LDB2: variants seen among roughly 807,000 people sequenced by gnomAD.
LDB2 encodes the protein LIM domain-binding protein 2.
Under a neutral mutation model 44.3 loss-of-function variants are expected in LDB2, and 12 were observed. The ratio of observed to expected loss-of-function variants is 0.27; its 90% CI spans 0.17 to 0.44. LDB2 has a LOEUF of 0.44. Among genes scored for constraint, LDB2 ranks in the 20% least tolerant of loss-of-function variants. The probability of loss-of-function intolerance (pLI) is 1.00; values close to 1 mark genes in which losing one functional copy is unlikely to be tolerated. For synonymous variants in LDB2, 164 were observed against 174.8 expected, an observed-to-expected ratio of 0.94 and a Z score of 0.49; for missense variants, 344 against 473.5, an observed-to-expected ratio of 0.73 and a Z score of 2.54.
intron 1 of LDB2, among the ~76,000 whole-genome samples, chr4:16,827,234 A>C (rs1783219584): frequency 6.6e-6 from 1 of 152,144 alleles, no homozygotes; most frequent in South Asian, 2.1e-4. Context: ...AGGCAGCTCC[A>C]CTCGGGGCAG....
chr4:16,659,671 G>GTGTATA (rs1315288524), intron 2 of LDB2, among the ~76,000 whole-genome samples: 1 of 133,522 alleles, frequency 7.5e-6, no homozygotes, highest in Non-Finnish European at 1.6e-5. Flanking sequence ...ATCTATGTGT[G>GTGTATA]TATATATATA....
Position 16,821,746 on chromosome 4 carries a change from C to CAAAAAAAAAAAAAAAAAAAAAAA in LDB2, c.133-62509_133-62487dup, listed in dbSNP as rs562184189. On this transcript the variant is annotated intron_variant, in intron 1 of 7. Transcript: ENST00000304523. ...AATGGAAACCATTCCAACATTAAAG[C>CAAAAAAAAAAAAAAAAAAAAAAA]AAAAAAAAAAAAAAAAAAAAAAAAT... Among the ~76,000 whole-genome samples, 70 of 61,732 alleles carry CAAAAAAAAAAAAAAAAAAAAAAA rather than the reference C, an allele frequency of 1.1e-3. 6 individuals carry two copies. The highest frequency in any genetic ancestry group is 1.4e-3 in the Non-Finnish European group (49 of 34,978). 40.5% of individuals were successfully genotyped at this position (61,732 alleles called of 152,430 possible). A position where few individuals can be genotyped will look rare whatever the true frequency, so the allele number is the denominator to read the frequency against.
intron 1 of LDB2, among the ~76,000 whole-genome samples, chr4:16,797,205 A>G (rs928207914): frequency 1.3e-5 from 2 of 152,212 alleles, no homozygotes; most frequent in African/African-American, 4.8e-5. Context: ...AGGGCTTTTC[A>G]TCTCACACAT....
At chr4:16,704,716 A>G (rs1277131357) in intron 2 of LDB2, among the ~76,000 whole-genome samples, 1 of 152,246 alleles carries the variant, frequency 6.6e-6, no homozygotes, top group Admixed American at 6.5e-5. Context: ...TTATTAATAG[A>G]CAATGATGCA....
At chr4:16,524,718 G>A (rs577810483) in intron 5 of LDB2, among the ~76,000 whole-genome samples, 5 of 152,280 alleles carry the variant, frequency 3.3e-5, no homozygotes, top group South Asian at 2.1e-4. Context: ...TGTGTCAAAC[G>A]CAATATTGCT....
rs112388838 is a variant in LDB2 at position 16,537,869 on chromosome 4, G to T, written c.616-25765C>A. Reference sequence around the variant, plus strand: ...CGCTTAGATGCCTAAGGTATCTAAGGTATAGGTATAAGACAGGGCACTGGC... The same window carrying T: ...CGCTTAGATGCCTAAGGTATCTAAGTTATAGGTATAAGACAGGGCACTGGC... On this transcript the variant is annotated intron_variant, in intron 5 of 7. Coordinates refer to ENST00000304523, the MANE Select transcript of LDB2 (RefSeq NM_001290.5). 4.1e-3 allele frequency among the ~76,000 whole-genome samples: 622 copies of T among 152,314 alleles called. 3 individuals are homozygous for T. Among genetic ancestry groups the T allele is most frequent in the Non-Finnish European group, 7.2e-3 (489 of 68,014 alleles).
intron 2 of LDB2, among the ~76,000 whole-genome samples, chr4:16,656,055 A>T (rs551543985): frequency 1.1e-3 from 161 of 151,460 alleles, no homozygotes; most frequent in African/African-American, 3.8e-3. Context: ...GCCTGCCACC[A>T]CGCCCGGCTA....
intron 1 of LDB2, among the ~76,000 whole-genome samples, chr4:16,874,094 A>G (rs930125440): frequency 6.6e-6 from 1 of 152,148 alleles, no homozygotes; most frequent in Non-Finnish European, 1.5e-5. Flanking sequence ...ACTGTTACGA[A>G]CAATGATAGC....
chr4:16,746,088 C>A (rs996991936), intron 2 of LDB2, among the ~76,000 whole-genome samples: 5 of 152,144 alleles, frequency 3.3e-5, no homozygotes, highest in Non-Finnish European at 5.9e-5. Flanking sequence ...TACTACTCAG[C>A]AAATATTGAC....
intron 1 of LDB2, among the ~76,000 whole-genome samples, chr4:16,813,336 TA>T (rs1780264346): frequency 6.6e-6 from 1 of 152,154 alleles, no homozygotes; most frequent in Non-Finnish European, 1.5e-5. Context: ...TAACTAACAA[TA>T]GGGTTTTTGT....
intron 1 of LDB2, among the ~76,000 whole-genome samples, chr4:16,804,201 T>A (rs1778363402): frequency 6.6e-6 from 1 of 152,192 alleles, no homozygotes; most frequent in Non-Finnish European, 1.5e-5. Context: ...CACTGCAACC[T>A]CAAACTCATG....
At chr4:16,816,407 C>CTTTTTTTTTTTTTTTTTTTT (rs1171864969) in intron 1 of LDB2, among the ~76,000 whole-genome samples, 3 of 121,018 alleles carry the variant, frequency 2.5e-5, no homozygotes, top group Non-Finnish European at 1.7e-5. Flanking sequence ...CTTTTTCTTT[C>CTTTTTTTTTTTTTTTTTTTT]TTTTTTTTTT....
chr4:16,582,601 C>G lies in LDB2; in HGVS notation c.615+3321G>C, dbSNP rs912484593. 1.3e-5 allele frequency among the ~76,000 whole-genome samples: 2 copies of G among 152,182 alleles called. No individual in the cohort carries two copies. The highest frequency in any genetic ancestry group is 2.9e-5 in the Non-Finnish European group (2 of 68,038). On this transcript the variant is annotated intron_variant, in intron 5 of 7. Transcript: ENST00000304523. The surrounding 1 kb of genome is among the most constrained non-coding windows in gnomAD (Gnocchi z 4.8). ...GACATGCTTCGTGAAACCCACCACC[C>G]GGTATCGGAATACCCAACAGCAACA...
intron 1 of LDB2, among the ~76,000 whole-genome samples, chr4:16,850,731 A>C (rs1408396885): frequency 1.3e-5 from 2 of 152,180 alleles, no homozygotes; most frequent in Admixed American, 1.3e-4. Flanking sequence ...GATTGGGTAG[A>C]AAGTGGATGG....
chr4:16,655,711 A>G (rs898014065), intron 2 of LDB2, among the ~76,000 whole-genome samples: 1 of 152,126 alleles, frequency 6.6e-6, no homozygotes, highest in African/African-American at 2.4e-5. Flanking sequence ...CCTCGATGCC[A>G]CAAAGTGGAC....
At position 16,502,398 on chromosome 4, in the gene LDB2, CA is replaced by C. The variant is rs1488184049; in HGVS notation, c.*244del. 1 of 491,388 alleles carries C rather than the reference CA, an allele frequency of 2.0e-6. No homozygotes were observed. Among genetic ancestry groups the C allele is most frequent in the East Asian group, 3.3e-5 (1 of 30,310 alleles). 30.4% of individuals were successfully genotyped at this position (491,388 alleles called of 1,614,324 possible). On this transcript the variant is annotated 3_prime_UTR_variant, in exon 8 of 8. Coordinates refer to ENST00000304523, the MANE Select transcript of LDB2 (RefSeq NM_001290.5). ...CTAGAGTTTTCTCTCATTTTAATTA[CA>C]ATCAGTGCCAGTATCTGTATTACCT...
At position 16,898,527 on chromosome 4, in the gene LDB2, A is replaced by G; in HGVS notation, c.-42T>C. On this transcript the variant is annotated 5_prime_UTR_variant, in exon 1 of 8. Transcript: ENST00000304523. Reference sequence around the variant, plus strand: ...AAATCAAGCTAAACAGAGTATCAGTAACGTCCATGCAGAGCACATGGGCTG... The same window carrying G: ...AAATCAAGCTAAACAGAGTATCAGTGACGTCCATGCAGAGCACATGGGCTG... 1 of 1,609,212 alleles carries G rather than the reference A, an allele frequency of 6.2e-7. No individual in the cohort carries two copies.
chr4:16,762,733 AT>A (rs1368798060), intron 1 of LDB2, among the ~76,000 whole-genome samples: 1 of 152,102 alleles, frequency 6.6e-6, no homozygotes, highest in African/African-American at 2.4e-5. Flanking sequence ...ATCATCCTCT[AT>A]TTTCTGATAA....
chr4:16,644,714 G>A (rs1306984442), intron 2 of LDB2, among the ~76,000 whole-genome samples: 1 of 152,184 alleles, frequency 6.6e-6, no homozygotes. Flanking sequence ...ATAGGCATGA[G>A]TCACTGCACT....
Sources: gnomAD v4.1 joint callset for allele counts (sites outside exome capture counted in the v4.1 genomes callset) on GRCh38, gnomAD v4.1.1 for gene constraint, Gnocchi (gnomAD v3.1) non-coding constraint, MANE v1.5 for transcripts, NCBI Gene and HGNC (gene_info 2026-07-23, HGNC 2026-07-21) for gene names.